The following MBTPS1 variants were observed in gnomAD, a reference collection of about 807,000 sequenced individuals.
The protein encoded by MBTPS1 is membrane-bound transcription factor site-1 protease.
In MBTPS1, 94 loss-of-function variants were observed where a neutral mutation model predicts 127.8. That is an observed-to-expected ratio of 0.74 (90% confidence interval 0.62 to 0.87). The LOEUF (loss-of-function observed/expected upper bound fraction) is 0.87, where lower values mean the gene tolerates loss of function less well. Ranked by LOEUF, MBTPS1 falls within the 40% of genes least tolerant of loss-of-function variation. The probability of loss-of-function intolerance (pLI) is 0.00; values close to 1 mark genes in which losing one functional copy is unlikely to be tolerated. For synonymous variants in MBTPS1, 632 were observed against 509.4 expected (o/e 1.24, Z -3.24); for missense variants, 1,636 against 1,353.2 (o/e 1.21, Z -3.28).
intron 1 of MBTPS1, among the ~76,000 whole-genome samples, chr16:84,106,242 T>G (rs1260806767): frequency 6.6e-6 from 1 of 151,788 alleles, no homozygotes; most frequent in African/African-American, 2.4e-5. Context: ...TTGCAGTGAG[T>G]TGAGATCGTG....
Position 84,095,757 on chromosome 16 carries a change from T to C in MBTPS1, c.470A>G (p.Gln157Arg). 6.2e-7 allele frequency: 1 copy of C among 1,614,156 alleles called. No homozygotes were observed. Among genetic ancestry groups the C allele is most frequent in the Non-Finnish European group, 8.5e-7 (1 of 1,180,014 alleles). Residue 157 changes from glutamine (Q) to arginine (R), a missense_variant, in exon 4 of 23, where the codon CAA becomes CGA. Physicochemically the swap from Gln to Arg is conservative, Grantham distance 43. Coordinates refer to ENST00000343411, the MANE Select transcript of MBTPS1 (RefSeq NM_003791.4). The stretch of plus-strand genomic sequence containing the variant: ...GGCTCTTCGCAGGGGACGTGATGAT[T>C]GCCACTTCTGGCTCCACCGGGTTTC... ...CNETRWSQKW[Q>R]SSRPLRRASL...
rs762392866 is a variant in MBTPS1, at chr16:84,054,630, C to T, written c.2978G>A (p.Arg993His). The stretch of plus-strand genomic sequence containing the variant: ...GGTCTGGCCCACCTCCTGGTTGTAG[C>T]GGCCAGGCATGATCCCTGTAAGAGG... ...WDIPGGIMPGRYNQEVGQTIP... is the reference protein window; with the variant it reads ...WDIPGGIMPGHYNQEVGQTIP... The change falls in exon 23 of 23, where the codon CGC (arginine) becomes CAC (histidine). Residue 993 changes from arginine (R) to histidine (H), a missense_variant. Coordinates refer to ENST00000343411, the MANE Select transcript of MBTPS1 (RefSeq NM_003791.4). 7.2e-5 allele frequency: 115 copies of T among 1,606,726 alleles called. No homozygotes were observed. Among genetic ancestry groups the T allele is most frequent in the Non-Finnish European group, 9.0e-5 (106 of 1,176,012 alleles).
intron 1 of MBTPS1, among the ~76,000 whole-genome samples, chr16:84,115,941 A>C (rs2086469197): frequency 6.0e-5 from 1 of 16,666 alleles, no homozygotes; most frequent in South Asian, 9.6e-3. Flanking sequence ...GATTCTCCAG[A>C]TTGAAAAAAA....
chr16:84,087,488 A>AT, intron 8 of MBTPS1, 28 bp from the exon 9 acceptor site: 1 of 1,237,884 alleles, frequency 8.1e-7, no homozygotes. Context: ...AAAAAAAAAA[A>AT]GAAAAGAAAA....
At position 84,095,857 on chromosome 16, in the gene MBTPS1, G is replaced by C. The variant is rs549913624; in HGVS notation, c.422-52C>G. 3.4e-6 allele frequency: 5 copies of C among 1,477,228 alleles called. No individual in the cohort carries two copies. The African/African-American group carries it at 4.1e-5, about 12-fold the overall frequency. 91.5% of individuals were successfully genotyped at this position (1,477,228 alleles called of 1,614,324 possible). A position where few individuals can be genotyped will look rare whatever the true frequency, so the allele number is the denominator to read the frequency against. ...AACAGAAGAGCAAAACGAACTACAC[G>C]ATACCCGCCAGGCAAAACTATCCTA... On this transcript the variant is annotated intron_variant, in intron 3 of 22. Transcript: ENST00000343411.
At chr16:84,080,900 A>G (rs1400702578) in intron 11 of MBTPS1, among the ~76,000 whole-genome samples, 1 of 152,142 alleles carries the variant, frequency 6.6e-6, no homozygotes, top group African/African-American at 2.4e-5. Context: ...GAGGACCCAG[A>G]CTGACAGACC....
At chr16:84,098,717 GC>G (rs2086213127) in intron 3 of MBTPS1, among the ~76,000 whole-genome samples, 1 of 152,192 alleles carries the variant, frequency 6.6e-6, no homozygotes, top group Non-Finnish European at 1.5e-5. Context: ...CGAGAAGGCG[GC>G]CGCAGCCTTG....
intron 11 of MBTPS1, chr16:84,075,317 C>G (rs1383820266): frequency 2.0e-5 from 3 of 152,264 alleles, no homozygotes; most frequent in Admixed American, 1.3e-4. Flanking sequence ...AGCACCGAGC[C>G]TGGGAGAGGT....
chr16:84,108,412 C>T (rs533210670), intron 1 of MBTPS1, among the ~76,000 whole-genome samples: 182 of 152,302 alleles, frequency 1.2e-3, no homozygotes, highest in African/African-American at 4.3e-3. Context: ...TACAGGCACA[C>T]GCCACCACAC....
intron 1 of MBTPS1, among the ~76,000 whole-genome samples, chr16:84,112,513 T>G (rs1051544821): frequency 6.7e-6 from 1 of 149,936 alleles, no homozygotes; most frequent in Non-Finnish European, 1.5e-5. Flanking sequence ...ACAAAAAAAA[T>G]TAGCTGGGCG....
intron 3 of MBTPS1, 122 bp downstream of exon 3, chr16:84,098,931 C>G: frequency 9.7e-7 from 1 of 1,029,304 alleles, no homozygotes; most frequent in Non-Finnish European, 1.4e-6. Flanking sequence ...GGAAAATGTT[C>G]ACAATTAGCA....
At chr16:84,083,494 T>A (rs1051798038) in intron 10 of MBTPS1, among the ~76,000 whole-genome samples, 3 of 152,046 alleles carry the variant, frequency 2.0e-5, no homozygotes, top group Non-Finnish European at 4.4e-5. Flanking sequence ...TCTCACTATG[T>A]TGCCCCAGCT....
At chr16:84,101,490 C>CAAAA in intron 2 of MBTPS1, 131 bp downstream of exon 2, 3 of 605,576 alleles carry the variant, frequency 5.0e-6, no homozygotes, top group Non-Finnish European at 7.3e-6. Flanking sequence ...GACTCTGTCT[C>CAAAA]AAAAAAAAAA....
intron 6 of MBTPS1, 75 bp downstream of exon 6, chr16:84,093,112 GT>G: frequency 1.0e-6 from 1 of 960,110 alleles, no homozygotes; most frequent in Admixed American, 1.7e-5. Flanking sequence ...TTACACAAGT[GT>G]GTACAGTCCA....
At chr16:84,100,300 T>C (rs1180044993) in intron 2 of MBTPS1, among the ~76,000 whole-genome samples, 1 of 152,010 alleles carries the variant, frequency 6.6e-6, no homozygotes, top group African/African-American at 2.4e-5. Context: ...ATCCCAACAC[T>C]TTGGGAGGCC....
intron 14 of MBTPS1, 108 bp downstream of exon 14, chr16:84,069,758 A>C: frequency 9.5e-7 from 1 of 1,054,774 alleles, no homozygotes; most frequent in Non-Finnish European, 1.4e-6. Context: ...ATCAGAGTCC[A>C]GGCTCCACGA....
At chr16:84,085,573 C>G (rs1013516735) in intron 9 of MBTPS1, among the ~76,000 whole-genome samples, 2 of 91,368 alleles carry the variant, frequency 2.2e-5, no homozygotes, top group African/African-American at 3.7e-5. Context: ...CCGCACCCGC[C>G]CCCCCCCCAA....
intron 8 of MBTPS1, among the ~76,000 whole-genome samples, chr16:84,089,982 C>A (rs561740391): frequency 2.6e-5 from 4 of 152,178 alleles, no homozygotes; most frequent in Non-Finnish European, 5.9e-5. Flanking sequence ...GCTCATGATA[C>A]GTATCACTGA....
chr16:84,094,811 A>C (rs1471956043), intron 4 of MBTPS1, among the ~76,000 whole-genome samples: 1 of 152,182 alleles, frequency 6.6e-6, no homozygotes, highest in Admixed American at 6.5e-5. Flanking sequence ...ATGCCAGTCC[A>C]CCGGGTATTA....
Sources: allele counts gnomAD v4.1 joint callset (sites outside exome capture counted in the v4.1 genomes callset), GRCh38; gene constraint gnomAD v4.1.1; transcripts MANE v1.5; gene names NCBI Gene and HGNC (gene_info 2026-07-23, HGNC 2026-07-21).